The following MAN1A2 variants were observed in gnomAD, a reference collection of about 807,000 sequenced individuals.
MAN1A2 encodes mannosyl-oligosaccharide 1,2-alpha-mannosidase IB.
A neutral mutation model predicts 75.7 loss-of-function variants in MAN1A2; 26 were observed. The observed-to-expected ratio is 0.34, with a 90% confidence interval of 0.25 to 0.48. The LOEUF is 0.48. Ranked by LOEUF, MAN1A2 falls within the 20% of genes least tolerant of loss-of-function variation. MAN1A2 has a pLI of 0.99. For missense variants in MAN1A2, 562 were observed against 775.5 expected, an observed-to-expected ratio of 0.72 and a Z score of 3.27; for synonymous variants, 247 against 264.6, an observed-to-expected ratio of 0.93 and a Z score of 0.65.
chr1:117,493,021 AG>A (rs2101873482), intron 8 of MAN1A2, 125 bp from the exon 9 acceptor site: 1 of 600,640 alleles, frequency 1.7e-6, no homozygotes, highest in South Asian at 2.0e-5. Flanking sequence ...TGTTGGAAAT[AG>A]GGTTGTCAAT....
At chr1:117,508,755 A>G (rs1448263286) in intron 12 of MAN1A2, among the ~76,000 whole-genome samples, 1 of 151,728 alleles carries the variant, frequency 6.6e-6, no homozygotes, top group African/African-American at 2.4e-5. Flanking sequence ...TAAGTGGGCT[A>G]TTAAGTCCAC....
chr1:117,443,920 AT>A (rs751314350), intron 6 of MAN1A2, among the ~76,000 whole-genome samples: 155 of 144,568 alleles, frequency 1.1e-3, no homozygotes, highest in Middle Eastern at 7.1e-3. Context: ...GTTTTTGAAA[AT>A]TTTTTTTTTT....
At chr1:117,441,585 T>G (rs1557952103) in intron 5 of MAN1A2, among the ~76,000 whole-genome samples, 1 of 152,140 alleles carries the variant, frequency 6.6e-6, no homozygotes, top group East Asian at 1.9e-4. Flanking sequence ...TAGAAATTTT[T>G]CTATATACAT....
At chr1:117,516,303 A>G (rs1383312022) in intron 12 of MAN1A2, among the ~76,000 whole-genome samples, 1 of 152,172 alleles carries the variant, frequency 6.6e-6, no homozygotes, top group Non-Finnish European at 1.5e-5. Context: ...TGGATTGAAG[A>G]AAATATAGAT....
In MAN1A2 at chr1:117,527,833, G is replaced by A. The variant is rs1190593480; in HGVS notation, c.*4876G>A. 6.6e-6 allele frequency: 1 copy of A among 151,982 alleles called. No individual in the cohort carries two copies. Among genetic ancestry groups the A allele is most frequent in the East Asian group, 1.9e-4 (1 of 5,190 alleles). The allele number at this position is 151,982 out of a possible 1,614,324, so 9.4% of individuals were successfully genotyped here. On this transcript the variant is annotated 3_prime_UTR_variant, in exon 13 of 13. Coordinates refer to ENST00000356554, the MANE Select transcript of MAN1A2 (RefSeq NM_006699.5). ...GAATATGATAGAATGTCTGATCTTT[G>A]TGCTGCAGAAAGCAAACTTTTGAAG...
At position 117,526,868 on chromosome 1, in the gene MAN1A2, C is replaced by CTA. The variant is rs1652036320; in HGVS notation, c.*3912_*3913insAT. ...TCTCTCTCTCTCTCTCTCTCTCTCT[C>CTA]TCTCTCTCTCTCTATATATATATAT... On this transcript the variant is annotated 3_prime_UTR_variant, in exon 13 of 13. Transcript: ENST00000356554. 1.1e-5 allele frequency: 1 copy of CTA among 94,268 alleles called. No individual in the cohort carries two copies. Among genetic ancestry groups the CTA allele is most frequent in the East Asian group, 2.6e-4 (1 of 3,780 alleles). 5.8% of individuals were successfully genotyped at this position (94,268 alleles called of 1,614,324 possible). A position where few individuals can be genotyped will look rare whatever the true frequency, so the allele number is the denominator to read the frequency against.
intron 2 of MAN1A2, among the ~76,000 whole-genome samples, chr1:117,402,888 A>C (rs1313806560): frequency 6.6e-6 from 1 of 152,108 alleles, no homozygotes; most frequent in Non-Finnish European, 1.5e-5. Context: ...TCCCTCAACT[A>C]TACTGTAGAT....
intron 8 of MAN1A2, among the ~76,000 whole-genome samples, chr1:117,484,185 C>T (rs1256426123): frequency 2.0e-5 from 3 of 151,762 alleles, no homozygotes; most frequent in Non-Finnish European, 4.4e-5. Flanking sequence ...ATACTGTATT[C>T]TTAAAGTAAG....
intron 8 of MAN1A2, among the ~76,000 whole-genome samples, chr1:117,489,757 A>C (rs1017182877): frequency 5.9e-5 from 9 of 152,028 alleles, no homozygotes; most frequent in Non-Finnish European, 1.3e-4. Context: ...TTTACTTTTA[A>C]ATGATTAATC....
intron 5 of MAN1A2, among the ~76,000 whole-genome samples, chr1:117,431,200 GGGGA>G (rs1557947832): frequency 4.1e-3 from 61 of 15,014 alleles, no homozygotes; most frequent in African/African-American, 0.014. Context: ...GGAGAGGGAG[GGGGA>G]GGGGGAGGGG....
At chr1:117,477,689 G>A (rs1570776051) in intron 8 of MAN1A2, among the ~76,000 whole-genome samples, 1 of 152,044 alleles carries the variant, frequency 6.6e-6, no homozygotes, top group East Asian at 1.9e-4. Context: ...TACTGAGTGG[G>A]CAAAAACTGG....
At chr1:117,421,440 T>C (rs1268289768) in intron 5 of MAN1A2, among the ~76,000 whole-genome samples, 7 of 151,792 alleles carry the variant, frequency 4.6e-5, no homozygotes, top group African/African-American at 1.7e-4. Context: ...TTTAAAGGAT[T>C]TTTTTTTCCC....
At chr1:117,379,227 T>C (rs1447054388) in intron 1 of MAN1A2, among the ~76,000 whole-genome samples, 2 of 152,084 alleles carry the variant, frequency 1.3e-5, no homozygotes, top group Admixed American at 6.5e-5. Flanking sequence ...GTGTGACTTA[T>C]TGAAGAGTCT....
At chr1:117,437,861 G>C (rs1648894248) in intron 5 of MAN1A2, among the ~76,000 whole-genome samples, 2 of 152,120 alleles carry the variant, frequency 1.3e-5, no homozygotes. Flanking sequence ...GCTAGAGTTG[G>C]TATGGAAATG....
At chr1:117,440,831 G>C (rs893992781) in intron 5 of MAN1A2, among the ~76,000 whole-genome samples, 3 of 152,180 alleles carry the variant, frequency 2.0e-5, no homozygotes, top group East Asian at 3.9e-4. Flanking sequence ...TTCTAGATAA[G>C]AAAGTTGATT....
At chr1:117,489,188 G>A (rs1650803766) in intron 8 of MAN1A2, among the ~76,000 whole-genome samples, 1 of 151,894 alleles carries the variant, frequency 6.6e-6, no homozygotes, top group Non-Finnish European at 1.5e-5. Context: ...TTTTATTAAT[G>A]AAAATAATTC....
intron 5 of MAN1A2, among the ~76,000 whole-genome samples, chr1:117,428,794 T>C (rs1250047473): frequency 6.8e-6 from 1 of 146,434 alleles, no homozygotes; most frequent in Admixed American, 6.8e-5. Flanking sequence ...CTTTTTTTTT[T>C]TTTTTTTTTT....
intron 1 of MAN1A2, among the ~76,000 whole-genome samples, chr1:117,400,672 G>A (rs986006632): frequency 6.6e-6 from 1 of 152,142 alleles, no homozygotes; most frequent in African/African-American, 2.4e-5. Flanking sequence ...CATTCAAGAA[G>A]TGTGTATAAA....
At chr1:117,458,504 TATATATAG>T (rs1269550805) in intron 6 of MAN1A2, among the ~76,000 whole-genome samples, 2 of 101,826 alleles carry the variant, frequency 2.0e-5, no homozygotes, top group Admixed American at 9.7e-5. Flanking sequence ...TATCTATATA[TATATATAG>T]ATATATATAT....
Sources: gnomAD v4.1 joint callset for allele counts (sites outside exome capture counted in the v4.1 genomes callset) on GRCh38, gnomAD v4.1.1 for gene constraint, MANE v1.5 for transcripts, NCBI Gene and HGNC (gene_info 2026-07-23, HGNC 2026-07-21) for gene names.